CDH23: variants seen among roughly 807,000 people sequenced by gnomAD.
CDH23 encodes the protein cadherin-23.
In CDH23, 189 loss-of-function variants were observed where a neutral mutation model predicts 317.1. The observed-to-expected ratio is 0.60, with a 90% CI of 0.53 to 0.67. The LOEUF (loss-of-function observed/expected upper bound fraction) is 0.67. CDH23 is among the 30% of genes least tolerant of loss of function. The pLI is 0.00. For missense variants in CDH23, 4,401 were observed against 4,592.4 expected (o/e 0.96, Z 1.20); for synonymous variants, 1,839 against 1,876.8 (o/e 0.98, Z 0.52).
intron 23 of CDH23, 100 bp downstream of exon 23, chr10:71,702,311 ATGTCTG>A (rs1183171973): frequency 1.8e-5 from 24 of 1,323,252 alleles, no homozygotes; most frequent in Non-Finnish European, 2.3e-5. Context: ...CAGGAGGTCT[ATGTCTG>A]ATCACCAAGA....
At chr10:71,754,851 C>T (rs768530260) in intron 38 of CDH23, among the ~76,000 whole-genome samples, 6 of 152,286 alleles carry the variant, frequency 3.9e-5, no homozygotes, top group Admixed American at 2.6e-4. Context: ...TACTAAGTTA[C>T]GTAACATTCA....
chr10:71,442,665 G>A (rs1045106610), intron 2 of CDH23, among the ~76,000 whole-genome samples: 8 of 152,158 alleles, frequency 5.3e-5, no homozygotes, highest in African/African-American at 1.4e-4. Flanking sequence ...GGCAGGAAGC[G>A]AAGGCCTGGG....
At chr10:71,554,728 A>ATTT (rs66679909) in intron 6 of CDH23, among the ~76,000 whole-genome samples, 26 of 147,538 alleles carry the variant, frequency 1.8e-4, no homozygotes, top group African/African-American at 6.0e-4. Flanking sequence ...AGTTGTGAGA[A>ATTT]TTTTTTTTTT....
rs78604555 is a variant in CDH23 at position 71,734,566 on chromosome 10, G to A, written c.4207-90G>A. On this transcript the variant is annotated intron_variant, in intron 33 of 69. Coordinates refer to ENST00000224721, the MANE Select transcript of CDH23 (RefSeq NM_022124.6). The stretch of plus-strand genomic sequence containing the variant: ...GGTGGCACCTCCAGAGACACTGCCG[G>A]GAGTGGGGTCTGGAAGAGCCACAGA... 24,815 of 1,606,102 alleles carry A rather than the reference G, an allele frequency of 0.015. 1,945 individuals carry two copies. The East Asian group carries it at 0.2, about 13-fold the overall frequency.
intron 1 of CDH23, among the ~76,000 whole-genome samples, chr10:71,401,050 A>G (rs938244243): frequency 8.5e-5 from 13 of 152,180 alleles, no homozygotes; most frequent in Non-Finnish European, 7.3e-5. Flanking sequence ...ATAGATGAGC[A>G]AGGTCATTTA....
At chr10:71,556,497 A>G (rs1210288968) in intron 6 of CDH23, among the ~76,000 whole-genome samples, 1 of 151,920 alleles carries the variant, frequency 6.6e-6, no homozygotes, top group Admixed American at 6.6e-5. Flanking sequence ...GCTACTGGGG[A>G]GGCTGAGGCA....
chr10:71,551,190 T>C (rs1463167967), intron 6 of CDH23, among the ~76,000 whole-genome samples: 3 of 152,284 alleles, frequency 2.0e-5, no homozygotes, highest in Admixed American at 2.0e-4. Context: ...TAAAACAAAG[T>C]GTCGCCCAAT....
intron 3 of CDH23, among the ~76,000 whole-genome samples, chr10:71,475,602 C>T (rs1191856016): frequency 1.3e-5 from 2 of 152,194 alleles, no homozygotes; most frequent in Non-Finnish European, 2.9e-5. Context: ...TCCTGTATGC[C>T]CGCGTGACAA....
chr10:71,483,208 C>G (rs1449522440), intron 3 of CDH23, among the ~76,000 whole-genome samples: 1 of 152,196 alleles, frequency 6.6e-6, no homozygotes, highest in Non-Finnish European at 1.5e-5. Context: ...GTGACCCACC[C>G]CAGCATAACT....
intron 14 of CDH23, among the ~76,000 whole-genome samples, chr10:71,649,159 C>T (rs1234784705): frequency 6.6e-6 from 1 of 152,198 alleles, no homozygotes; most frequent in African/African-American, 2.4e-5. Flanking sequence ...ACCCTCCACA[C>T]CGCCCTGCCC....
intron 11 of CDH23, among the ~76,000 whole-genome samples, chr10:71,623,608 GTCTCCC>G (rs1027763999): frequency 3.9e-5 from 6 of 152,130 alleles, no homozygotes; most frequent in African/African-American, 1.4e-4. Flanking sequence ...AAGGAGTGAA[GTCTCCC>G]ACACGGGAGA....
intron 11 of CDH23, among the ~76,000 whole-genome samples, chr10:71,628,942 G>A (rs760705255): frequency 2.0e-5 from 3 of 152,218 alleles, no homozygotes; most frequent in East Asian, 1.9e-4. Context: ...TGGGCAAAAC[G>A]AGGCTCAGAG....
At chr10:71,698,693 C>T (rs1430731123) in intron 22 of CDH23, among the ~76,000 whole-genome samples, 3 of 152,328 alleles carry the variant, frequency 2.0e-5, no homozygotes, top group East Asian at 1.9e-4. Flanking sequence ...CAGCTTAAAA[C>T]GTCAGCTGTC....
chr10:71,619,484 AATGAG>A (rs999467240), intron 11 of CDH23, among the ~76,000 whole-genome samples: 3 of 152,222 alleles, frequency 2.0e-5, no homozygotes, highest in Non-Finnish European at 4.4e-5. Context: ...TGACTGTATG[AATGAG>A]ATGCTCAGAA....
intron 9 of CDH23, among the ~76,000 whole-genome samples, chr10:71,606,934 G>A (rs1860562089): frequency 6.6e-6 from 1 of 152,164 alleles, no homozygotes; most frequent in African/African-American, 2.4e-5. Flanking sequence ...CGGCAGGCTG[G>A]TCCCCTCTCC....
intron 9 of CDH23, among the ~76,000 whole-genome samples, chr10:71,584,183 T>C (rs1304383695): frequency 6.6e-6 from 1 of 152,216 alleles, no homozygotes; most frequent in Non-Finnish European, 1.5e-5. Context: ...AAAGCAGATT[T>C]ACATTATATC....
chr10:71,812,157 A>G, intron 66 of CDH23, 142 bp downstream of exon 66: 1 of 1,585,878 alleles, frequency 6.3e-7, no homozygotes. Context: ...CCCTCCCTTC[A>G]CCCTCCCTCC....
rs139884110 is a variant in CDH23 at position 71,450,176 on chromosome 10, A to G, written c.145+3781A>G. On this transcript the variant is annotated intron_variant, in intron 3 of 69. Coordinates refer to ENST00000224721, the MANE Select transcript of CDH23 (RefSeq NM_022124.6). ...CCTCACCCACACCTTGGCCCTGCCT[A>G]TCAGCCCTGAATGGTCACATGATGC... Among the ~76,000 whole-genome samples the G allele has an allele frequency of 3.3e-5, 5 of 152,088 alleles. No individual in the cohort carries two copies. In the East Asian group the frequency reaches 9.7e-4, roughly 29 times the overall value.
At position 71,741,708 on chromosome 10, in the gene CDH23, T is replaced by A. The variant is rs770334687; in HGVS notation, c.4632T>A (p.Gly1544=). 1 of 1,609,198 alleles carries A rather than the reference T, an allele frequency of 6.2e-7. No homozygotes were observed. Among genetic ancestry groups the A allele is most frequent in the Non-Finnish European group, 8.5e-7 (1 of 1,177,774 alleles). Residue 1544 remains glycine (G), a synonymous_variant, in exon 38 of 70, where the codon GGT becomes GGA. Coordinates refer to ENST00000224721, the MANE Select transcript of CDH23 (RefSeq NM_022124.6). ...NVSVNENVGG[G]TAVVQVRATD... ...TCTCCTCCCAGAACGTGGGTGGAGG[T>A]ACTGCTGTGGTCCAGGTGAGAGCCA...
Sources: gnomAD v4.1 joint callset for allele counts (sites outside exome capture counted in the v4.1 genomes callset) on GRCh38, gnomAD v4.1.1 for gene constraint, MANE v1.5 for transcripts, NCBI Gene and HGNC (gene_info 2026-07-23, HGNC 2026-07-21) for gene names.